Variants in SETX observed in about 807,000 individuals in gnomAD.
The protein encoded by SETX is helicase senataxin.
In SETX, 90 loss-of-function variants were observed where a neutral mutation model predicts 227.2. The ratio of observed to expected loss-of-function variants is 0.40; its 90% confidence interval spans 0.33 to 0.47. SETX has a LOEUF of 0.47. Ranked by LOEUF, SETX falls within the 20% of genes least tolerant of loss-of-function variation. The pLI is 0.91. For missense variants in SETX, 3,052 were observed against 3,181.5 expected (o/e 0.96, Z 0.98); for synonymous variants, 1,210 against 1,113.2 (o/e 1.09, Z -1.73).
At chr9:132,336,261 A>C (rs1847607855) in intron 6 of SETX, 35 bp downstream of exon 6, 1 of 1,556,264 alleles carries the variant, frequency 6.4e-7, no homozygotes, top group Non-Finnish European at 8.9e-7. Context: ...ACTATACGAA[A>C]ATACCAATTA....
intron 19 of SETX, 62 bp from the exon 20 acceptor site, chr9:132,281,636 T>G: frequency 8.5e-7 from 1 of 1,173,352 alleles, no homozygotes; most frequent in Non-Finnish European, 1.3e-6. Context: ...CCATATAGTT[T>G]ATCTGATTAA....
At chr9:132,265,759 T>C (rs1842616981) in intron 25 of SETX, among the ~76,000 whole-genome samples, 1 of 152,116 alleles carries the variant, frequency 6.6e-6, no homozygotes, top group Admixed American at 6.6e-5. Context: ...ACATTGGTGA[T>C]CTAGAGTACT....
intron 10 of SETX, among the ~76,000 whole-genome samples, chr9:132,324,443 C>A (rs1327017362): frequency 6.6e-6 from 1 of 152,168 alleles, no homozygotes; most frequent in Non-Finnish European, 1.5e-5. Context: ...TCCCTTTGTA[C>A]ATTACACTTC....
At chr9:132,346,948 C>T (rs1327390606) in intron 3 of SETX, among the ~76,000 whole-genome samples, 1 of 151,918 alleles carries the variant, frequency 6.6e-6, no homozygotes, top group Non-Finnish European at 1.5e-5. Context: ...TAGGGAAACC[C>T]TGCCTCTAAG....
intron 10 of SETX, among the ~76,000 whole-genome samples, chr9:132,321,492 T>C (rs1361726078): frequency 6.6e-6 from 1 of 151,716 alleles, no homozygotes; most frequent in East Asian, 1.9e-4. Context: ...CCGTCTCTAC[T>C]AAAAAATACA....
intron 20 of SETX, among the ~76,000 whole-genome samples, chr9:132,279,229 T>C (rs1426012115): frequency 6.6e-6 from 1 of 152,010 alleles, no homozygotes; most frequent in East Asian, 1.9e-4. Context: ...AGTTGTGCCT[T>C]GGGATCTACT....
chr9:132,266,370 T>G (rs1404566778), intron 25 of SETX: 1 of 152,260 alleles, frequency 6.6e-6, no homozygotes, highest in Non-Finnish European at 1.5e-5. Flanking sequence ...AATTACATGA[T>G]GAGGCAATTA....
intron 15 of SETX, among the ~76,000 whole-genome samples, chr9:132,291,584 G>C (rs527506796): frequency 5.3e-5 from 8 of 152,232 alleles, no homozygotes; most frequent in Admixed American, 3.3e-4. Flanking sequence ...CCTTTACACT[G>C]CTGGGTAAGC....
At position 132,300,175 on chromosome 9, in the gene SETX, A is replaced by C. The variant is rs555575746; in HGVS notation, c.5548+455T>G. Among the ~76,000 whole-genome samples, 7 of 151,468 alleles carry C rather than the reference A, an allele frequency of 4.6e-5. No homozygotes were observed. The East Asian group carries it at 1.4e-3, about 29-fold the overall frequency. ...AAAAAAGGGACAAGTCTCACTGCAT[A>C]CATCTGGTATTCATTAAATTTAGGC... On this transcript the variant is annotated intron_variant, in intron 12 of 25. Transcript: ENST00000224140.
rs760777652 is a variant in SETX, at chr9:132,328,072, G to C, written c.3526C>G (p.Pro1176Ala). 5.0e-6 allele frequency: 8 copies of C among 1,613,952 alleles called. No individual in the cohort carries two copies. Among genetic ancestry groups the C allele is most frequent in the Non-Finnish European group, 6.8e-6 (8 of 1,180,014 alleles). Residue 1176 changes from proline (P) to alanine (A), a missense_variant, in exon 10 of 26, where the codon CCT becomes GCT. Around this residue, in one of 10 missense-constraint regions of SETX, gnomAD observed 1,483 missense variants for 1,312.0 expected, o/e 1.13. Transcript: ENST00000224140. ...EKPMAEDPVR[P>A]SSSVRNEGQS... is the part of the protein sequence containing the mutation. ...CCCTCATTTCTGACAGAAGATGAAG[G>C]CCTCACAGGATCTTCAGCCATTGGT...
Position 132,311,813 on chromosome 9 carries a change from T to A in SETX, c.5318A>T (p.Tyr1773Phe). ...WLNSPNRENF[Y>F]QLQVRKFPAD... The stretch of plus-strand genomic sequence containing the variant: ...AGGAAATTTTCGTACTTGCAACTGA[T>A]AGAAATTCTCTCTATTTGGAGAGTT... The change falls in exon 11 of 26, where the codon TAT becomes TTT. Residue 1773 changes from tyrosine (Y) to phenylalanine (F), a missense_variant. Physicochemically the swap from Tyr to Phe is conservative, Grantham distance 22. Coordinates refer to ENST00000224140, the MANE Select transcript of SETX (RefSeq NM_015046.7). 1 of 1,613,842 alleles carries A rather than the reference T, an allele frequency of 6.2e-7. No homozygotes were observed.
At chr9:132,292,092 TA>T (rs752195434) in intron 15 of SETX, among the ~76,000 whole-genome samples, 1 of 152,146 alleles carries the variant, frequency 6.6e-6, no homozygotes, top group Non-Finnish European at 1.5e-5. Flanking sequence ...ATTTTCTCCT[TA>T]TACTTTCCTA....
chr9:132,355,217 G>C (rs12235964), upstream of SETX, among the ~76,000 whole-genome samples: 2 of 152,018 alleles, frequency 1.3e-5, no homozygotes, highest in African/African-American at 4.8e-5. Context: ...AGGGTGGACG[G>C]GGAGAGTTTG....
At chr9:132,314,525 G>A (rs907005958) in intron 10 of SETX, among the ~76,000 whole-genome samples, 6 of 152,064 alleles carry the variant, frequency 3.9e-5, no homozygotes, top group African/African-American at 1.2e-4. Flanking sequence ...AGCCCGGCTA[G>A]CTTTCCAAGT....
intron 15 of SETX, among the ~76,000 whole-genome samples, chr9:132,294,229 T>C (rs963918860): frequency 6.6e-6 from 1 of 152,104 alleles, no homozygotes; most frequent in Admixed American, 6.5e-5. Flanking sequence ...CAAGAAGAAT[T>C]TGGCACTACC....
At chr9:132,290,839 CATAA>C (rs111551397) in intron 15 of SETX, among the ~76,000 whole-genome samples, 12,060 of 151,386 alleles carry the variant, frequency 0.08, 726 homozygotes, top group East Asian at 0.25. Context: ...AGACCAGTTT[CATAA>C]ATAAATAAAT....
intron 19 of SETX, among the ~76,000 whole-genome samples, chr9:132,281,812 G>A (rs1321109518): frequency 1.3e-5 from 2 of 152,100 alleles, no homozygotes; most frequent in Non-Finnish European, 2.9e-5. Flanking sequence ...GCCGAGGTGG[G>A]TGGATCACCT....
chr9:132,280,446 G>A (rs771800686), intron 20 of SETX, among the ~76,000 whole-genome samples: 3 of 152,036 alleles, frequency 2.0e-5, no homozygotes, highest in Non-Finnish European at 4.4e-5. Context: ...ATTATTCTCC[G>A]TGAACAAAGT....
At position 132,334,375 on chromosome 9, in the gene SETX, G is replaced by A. The variant is rs150900422; in HGVS notation, c.838+233C>T. Among the ~76,000 whole-genome samples, 1,021 of 152,314 alleles carry A rather than the reference G, an allele frequency of 6.7e-3. 14 individuals are homozygous for A. Among genetic ancestry groups the A allele is most frequent in the African/African-American group, 0.023 (955 of 41,556 alleles). On this transcript the variant is annotated intron_variant, in intron 7 of 25. Transcript: ENST00000224140. ...AGACAGGGGAATTTCTTGAACCCAG[G>A]AGGTGGAGGTTGCAGTGAGCTGACA...
Sources: allele counts gnomAD v4.1 joint callset (sites outside exome capture counted in the v4.1 genomes callset), GRCh38; gene constraint gnomAD v4.1.1; regional missense constraint gnomAD v4.1.1; transcripts MANE v1.5; gene names NCBI Gene and HGNC (gene_info 2026-07-23, HGNC 2026-07-21).